Variants in NDUFB2 observed in about 807,000 individuals in gnomAD.
NDUFB2 encodes the protein NADH:ubiquinone oxidoreductase subunit B2.
In NDUFB2, 13 loss-of-function variants were observed where a neutral mutation model predicts 13.4. The observed-to-expected ratio is 0.97, with a 90% CI of 0.63 to 1.54. The LOEUF (loss-of-function observed/expected upper bound fraction) is 1.54. NDUFB2 is among the 40% of genes most tolerant of loss of function. NDUFB2 has a pLI of 0.00. For missense variants in NDUFB2, 150 were observed against 139.7 expected (o/e 1.07, Z -0.37); for synonymous variants, 47 against 50.6 (o/e 0.93, Z 0.30).
chr7:140,700,405 A>G (rs943577349), intron 1 of NDUFB2, among the ~76,000 whole-genome samples: 3 of 151,502 alleles, frequency 2.0e-5, no homozygotes, highest in Admixed American at 2.0e-4. Flanking sequence ...TTACAGGCAT[A>G]AGCCACCGTG....
chr7:140,701,133 A>G (rs994694860), intron 1 of NDUFB2: 3 of 152,232 alleles, frequency 2.0e-5, no homozygotes, highest in African/African-American at 7.2e-5. Context: ...TCATTTCAAT[A>G]TGGTAACATT....
chr7:140,697,448 G>C, intron 1 of NDUFB2: 1 of 701,590 alleles, frequency 1.4e-6, no homozygotes, highest in Non-Finnish European at 2.6e-6. Context: ...GTTTAGGAGA[G>C]TGACAGGCAG....
Position 140,702,824 on chromosome 7 carries a change from G to C in NDUFB2, c.99-42G>C, listed in dbSNP as rs773142887. 1 of 1,609,498 alleles carries C rather than the reference G, an allele frequency of 6.2e-7. No homozygotes were observed. The highest frequency in any genetic ancestry group is 8.5e-7 in the Non-Finnish European group (1 of 1,176,886). On this transcript the variant is annotated intron_variant, in intron 1 of 3. Coordinates refer to ENST00000247866, the MANE Select transcript of NDUFB2 (RefSeq NM_004546.3). Reference sequence around the variant, plus strand: ...GGAGTTTTGGATGACTTAACGCTTTGAGAATGTAGCACGCTGTCTGCCATG... The same window carrying C: ...GGAGTTTTGGATGACTTAACGCTTTCAGAATGTAGCACGCTGTCTGCCATG...
chr7:140,698,322 C>T (rs1794847077), intron 1 of NDUFB2: 1 of 1,349,736 alleles, frequency 7.4e-7, no homozygotes, highest in Non-Finnish European at 9.8e-7. Context: ...TAATTAAGTG[C>T]ATAAATGTTT....
chr7:140,702,774 C>T (rs1428112494), intron 1 of NDUFB2, 92 bp from the exon 2 acceptor site: 10 of 1,375,812 alleles, frequency 7.3e-6, no homozygotes, highest in Middle Eastern at 2.6e-4. Flanking sequence ...GAAACATTAG[C>T]GTTGGTTCTA....
rs944568750 is a variant in NDUFB2, at chr7:140,701,662, G to A, written c.99-1204G>A. Among the ~76,000 whole-genome samples the A allele has an allele frequency of 2.6e-5, 4 of 152,124 alleles. No homozygotes were observed. In the South Asian group the frequency reaches 6.2e-4, roughly 24 times the overall value. ...AAAAACAAACAAAACAGCCGGGCAC[G>A]TGGCTCACGCCTGTAATCCCAGCAC... is the stretch of plus-strand genomic sequence containing the variant. On this transcript the variant is annotated intron_variant, in intron 1 of 3. Coordinates refer to ENST00000247866, the MANE Select transcript of NDUFB2 (RefSeq NM_004546.3).
intron 1 of NDUFB2, chr7:140,697,134 G>T (rs949016352): frequency 8.4e-6 from 5 of 592,064 alleles, no homozygotes; most frequent in Non-Finnish European, 1.5e-5. Context: ...GGCTGAGCCA[G>T]TCGGCGCCGG....
chr7:140,697,250 G>T (rs976726985), intron 1 of NDUFB2: 1 of 695,970 alleles, frequency 1.4e-6, no homozygotes, highest in Admixed American at 2.0e-5. Context: ...GCGGTCCAGG[G>T]TCCCGGTGCC....
chr7:140,698,141 C>A, intron 1 of NDUFB2: 1 of 1,351,916 alleles, frequency 7.4e-7, no homozygotes, highest in Non-Finnish European at 9.8e-7. Flanking sequence ...GAATCTGGAG[C>A]TGGGGCAGGT....
In NDUFB2 at chr7:140,702,899, T is replaced by C. The variant is rs1794915984; in HGVS notation, c.132T>C (p.Tyr44=). Residue 44 remains tyrosine (Y), a synonymous_variant, in exon 2 of 4, where the codon TAT becomes TAC. Coordinates refer to ENST00000247866, the MANE Select transcript of NDUFB2 (RefSeq NM_004546.3). ...AGGGVHIEPR[Y]RQFPQLTRSQ... Reference sequence around the variant, plus strand: ...GTGGTGTGCACATTGAGCCCCGGTATAGACAGTTCCCCCAGCTGACCAGAT... The same window carrying C: ...GTGGTGTGCACATTGAGCCCCGGTACAGACAGTTCCCCCAGCTGACCAGAT... The C allele has an allele frequency of 1.2e-6, 2 of 1,614,138 alleles. No homozygotes were observed. The highest frequency in any genetic ancestry group is 1.7e-6 in the Non-Finnish European group (2 of 1,180,026).
chr7:140,702,926 C>T lies in NDUFB2; in HGVS notation c.159C>T (p.Ser53=), dbSNP rs1028629147. 5.0e-6 allele frequency: 8 copies of T among 1,613,940 alleles called. No individual in the cohort carries two copies. The highest frequency in any genetic ancestry group is 6.8e-6 in the Non-Finnish European group (8 of 1,180,030). The change falls in exon 2 of 4, where the codon TCC becomes TCT. Residue 53 remains serine, a synonymous_variant. Coordinates refer to ENST00000247866, the MANE Select transcript of NDUFB2 (RefSeq NM_004546.3). ...GACAGTTCCCCCAGCTGACCAGATC[C>T]CAGGTGTTCCAGAGCGAGTTCTTCA... is the stretch of plus-strand genomic sequence containing the variant. ...RYRQFPQLTR[S]QVFQSEFFSG...
At chr7:140,703,333 GGC>G (rs1794922769) in intron 2 of NDUFB2, among the ~76,000 whole-genome samples, 1 of 148,312 alleles carries the variant, frequency 6.7e-6, no homozygotes, top group Non-Finnish European at 1.5e-5. Flanking sequence ...GGAGTGCAGT[GGC>G]ACAATCTCGG....
At position 140,696,986 on chromosome 7, in the gene NDUFB2, C is replaced by T; in HGVS notation, c.98+144C>T. The T allele has an allele frequency of 9.4e-6, 7 of 741,646 alleles. No homozygotes were observed. In the South Asian group the frequency reaches 1.1e-4, roughly 11 times the overall value. The allele number at this position is 741,646 out of a possible 1,614,324, so 45.9% of individuals were successfully genotyped here. A position where few individuals can be genotyped will look rare whatever the true frequency, so the allele number is the denominator to read the frequency against. On this transcript the variant is annotated intron_variant, in intron 1 of 3. Coordinates refer to ENST00000247866, the MANE Select transcript of NDUFB2 (RefSeq NM_004546.3). ...CCTGTAGTCCGCGTGTCTCCTGAAG[C>T]CGCGACTCGAGGAGAGGGACCCCGC... is the stretch of plus-strand genomic sequence containing the variant.
intron 1 of NDUFB2, among the ~76,000 whole-genome samples, chr7:140,697,750 AG>A (rs1424673639): frequency 1.3e-5 from 2 of 152,116 alleles, no homozygotes; most frequent in Non-Finnish European, 2.9e-5. Context: ...ACCTTGGAAA[AG>A]TTTCTTATTC....
In NDUFB2 at chr7:140,702,971, G is replaced by A; in HGVS notation, c.204G>A (p.Trp68Ter). 1 of 1,614,066 alleles carries A rather than the reference G, an allele frequency of 6.2e-7. No homozygotes were observed. Among genetic ancestry groups the A allele is most frequent in the African/African-American group, 1.3e-5 (1 of 74,998 alleles). The change falls in exon 2 of 4, where the codon TGG becomes TGA. Residue 68 changes from tryptophan to a stop codon, truncating the protein, a stop_gained. Transcript: ENST00000247866. LOFTEE classifies it high-confidence loss of function. ...SEFFSGLMWF[W>*]ILWRFWHDSE... ...TCTTCAGCGGACTCATGTGGTTCTGGATTCTCTGGCGCTTTTGGCATGACT... is the reference window on the plus strand; with the variant it reads ...TCTTCAGCGGACTCATGTGGTTCTGAATTCTCTGGCGCTTTTGGCATGACT...
At position 140,705,865 on chromosome 7, in the gene NDUFB2, AG is replaced by A. The variant is rs1794960118; in HGVS notation, c.*30-695del. Among the ~76,000 whole-genome samples, 3 of 152,266 alleles carry A rather than the reference AG, an allele frequency of 2.0e-5. No homozygotes were observed. The South Asian group carries it at 6.2e-4, about 32-fold the overall frequency. Reference sequence around the variant, plus strand: ...TGAAAACTAACTCTTTAAACAGTAAAGGGTTATGGCTTTTTCATTTTCCAGG... The same window carrying A: ...TGAAAACTAACTCTTTAAACAGTAAAGGTTATGGCTTTTTCATTTTCCAGG... On this transcript the variant is annotated intron_variant, in intron 3 of 3. Coordinates refer to ENST00000247866, the MANE Select transcript of NDUFB2 (RefSeq NM_004546.3).
intron 1 of NDUFB2, among the ~76,000 whole-genome samples, chr7:140,700,497 A>G (rs556811588): frequency 1.3e-5 from 2 of 151,658 alleles, no homozygotes; most frequent in African/African-American, 4.8e-5. Flanking sequence ...TCAAAGAAGA[A>G]GGCTCTTGGC....
Position 140,704,850 on chromosome 7 carries a change from T to C in NDUFB2, c.244-10T>C. On this transcript the variant is annotated splice_polypyrimidine_tract_variant and intron_variant, in intron 2 of 3. Coordinates refer to ENST00000247866, the MANE Select transcript of NDUFB2 (RefSeq NM_004546.3). ...CTTGACTTTTCTTTCTTTTAAATGGTTGTCACCAGGGTCACTTTCCGTATC... is the reference window on the plus strand; with the variant it reads ...CTTGACTTTTCTTTCTTTTAAATGGCTGTCACCAGGGTCACTTTCCGTATC... The C allele has an allele frequency of 1.9e-6, 3 of 1,564,240 alleles. No individual in the cohort carries two copies. Among genetic ancestry groups the C allele is most frequent in the Non-Finnish European group, 2.6e-6 (3 of 1,154,150 alleles).
chr7:140,701,689 T>G (rs1794900319), intron 1 of NDUFB2, among the ~76,000 whole-genome samples: 1 of 151,840 alleles, frequency 6.6e-6, no homozygotes, highest in African/African-American at 2.4e-5. Flanking sequence ...TCCCAGCACT[T>G]TGGGAGGCCA....
Sources: gnomAD v4.1 joint callset for allele counts (sites outside exome capture counted in the v4.1 genomes callset) on GRCh38, gnomAD v4.1.1 for gene constraint, MANE v1.5 for transcripts, NCBI Gene and HGNC (gene_info 2026-07-23, HGNC 2026-07-21) for gene names.